The following SYBU variants were observed in gnomAD, a reference collection of about 807,000 sequenced individuals.
SYBU encodes the protein GOLSYN A protein.
Under a neutral mutation model 35.9 loss-of-function variants are expected in SYBU, and 21 were observed. That is an observed-to-expected ratio of 0.58 (90% CI 0.41 to 0.84). The LOEUF (loss-of-function observed/expected upper bound fraction) is 0.84, where lower values mean the gene tolerates loss of function less well. Ranked by LOEUF, SYBU falls within the 40% of genes least tolerant of loss-of-function variation. The pLI is 0.00. For synonymous variants in SYBU, 319 were observed against 324.3 expected (o/e 0.98, Z 0.18); for missense variants, 768 against 848.2 (o/e 0.91, Z 1.17).
upstream of SYBU, chr8:109,648,596 A>T (rs1454726293): frequency 6.6e-6 from 1 of 152,176 alleles, no homozygotes; most frequent in African/African-American, 2.4e-5. Flanking sequence ...CACAGAGAAG[A>T]CAATACAAAT....
rs1013933415 is a variant in SYBU, at chr8:109,619,136, G to A, written c.230-97C>T. The A allele has an allele frequency of 3.8e-5, 32 of 849,826 alleles. 1 individual carries two copies. The highest frequency in any genetic ancestry group is 3.1e-4 in the African/African-American group (19 of 60,466). 52.6% of individuals were successfully genotyped at this position (849,826 alleles called of 1,614,324 possible). ...ACCACACACACGCACACGTGCACTCGCACACGTACACTCTGCTTATGAAGC... is the reference window on the plus strand; with the variant it reads ...ACCACACACACGCACACGTGCACTCACACACGTACACTCTGCTTATGAAGC... On this transcript the variant is annotated intron_variant, in intron 2 of 6. Coordinates refer to ENST00000276646, the MANE Select transcript of SYBU (RefSeq NM_001099754.2).
intron 1 of SYBU, among the ~76,000 whole-genome samples, chr8:109,659,677 G>A (rs1816489575): frequency 6.6e-6 from 1 of 152,126 alleles, no homozygotes; most frequent in Non-Finnish European, 1.5e-5. Context: ...GAACAATTCG[G>A]TTGTTCCCTT....
intron 1 of SYBU, among the ~76,000 whole-genome samples, chr8:109,655,524 C>T (rs1323320440): frequency 1.3e-5 from 2 of 152,140 alleles, no homozygotes; most frequent in Non-Finnish European, 2.9e-5. Flanking sequence ...ACATACATTT[C>T]ATCCTATGTA....
intron 1 of SYBU, chr8:109,644,164 C>T (rs546559055): frequency 7.2e-5 from 33 of 460,324 alleles, no homozygotes; most frequent in South Asian, 5.0e-4. Context: ...TCCACTCTAC[C>T]CGGGGGCCGC....
chr8:109,575,828 T>C lies in SYBU; in HGVS notation c.1070A>G (p.Lys357Arg), dbSNP rs535067107. Residue 357 changes from lysine to arginine, a missense_variant, in exon 7 of 7, where the codon AAA becomes AGA. Physicochemically the swap from Lys to Arg is conservative, Grantham distance 26 (BLOSUM62 2). Transcript: ENST00000276646. ...TTGGATGTTTATGTCCACAAAATATTTCTGAATGCCTTTATCTTTATCAGC... is the reference window on the plus strand; with the variant it reads ...TTGGATGTTTATGTCCACAAAATATCTCTGAATGCCTTTATCTTTATCAGC... Reference protein sequence around the residue: ...SLADKDKGIQKYFVDINIQNK... With the variant: ...SLADKDKGIQRYFVDINIQNK... 9.3e-6 allele frequency: 15 copies of C among 1,614,068 alleles called. No homozygotes were observed. In the African/African-American group the frequency reaches 1.9e-4, roughly 20 times the overall value.
At chr8:109,633,398 T>G (rs1813851915) in intron 2 of SYBU, among the ~76,000 whole-genome samples, 1 of 152,190 alleles carries the variant, frequency 6.6e-6, no homozygotes, top group South Asian at 2.1e-4. Flanking sequence ...TCTAGTGGGA[T>G]GGGTGAATGC....
chr8:109,591,574 CAA>C lies in SYBU; in HGVS notation c.428-5414_428-5413del, dbSNP rs574427303. Among the ~76,000 whole-genome samples the C allele has an allele frequency of 6.5e-3, 872 of 134,530 alleles. 1 individual carries two copies. The highest frequency in any genetic ancestry group is 9.9e-3 in the South Asian group (43 of 4,328). 88.3% of individuals were successfully genotyped at this position (134,530 alleles called of 152,430 possible). On this transcript the variant is annotated intron_variant, in intron 3 of 6. Transcript: ENST00000276646. Reference sequence around the variant, plus strand: ...TGGCCCAGGTGGGAGTGCAGTGGCGCAATCTCGGCTCACTGCAAGCTCCGCCT... The same window carrying C: ...TGGCCCAGGTGGGAGTGCAGTGGCGCTCTCGGCTCACTGCAAGCTCCGCCT...
At chr8:109,627,066 G>T (rs1813061561) in intron 2 of SYBU, among the ~76,000 whole-genome samples, 1 of 150,354 alleles carries the variant, frequency 6.7e-6, no homozygotes, top group Non-Finnish European at 1.5e-5. Flanking sequence ...AAACATTAAT[G>T]GAGGAAAATA....
chr8:109,682,753 A>G (rs1007707485), upstream of SYBU, among the ~76,000 whole-genome samples: 1 of 152,214 alleles, frequency 6.6e-6, no homozygotes, highest in African/African-American at 2.4e-5. Context: ...AGATCTTTGC[A>G]GCAGTCCCTC....
chr8:109,604,934 A>G (rs1825918552), intron 3 of SYBU, among the ~76,000 whole-genome samples: 1 of 152,156 alleles, frequency 6.6e-6, no homozygotes, highest in African/African-American at 2.4e-5. Flanking sequence ...GCCTATCTCA[A>G]CCTCAGAGGT....
chr8:109,671,294 T>C (rs1816971180), intron 1 of SYBU, among the ~76,000 whole-genome samples: 2 of 152,248 alleles, frequency 1.3e-5, no homozygotes, highest in African/African-American at 4.8e-5. Context: ...GAAGGCTATT[T>C]GAGTGCATAT....
At chr8:109,667,282 A>C (rs1022649716) in intron 1 of SYBU, among the ~76,000 whole-genome samples, 3 of 151,764 alleles carry the variant, frequency 2.0e-5, no homozygotes, top group Non-Finnish European at 2.9e-5. Flanking sequence ...ACGCCTGGCT[A>C]ATTTTTTGTA....
chr8:109,632,107 T>C (rs1392286444), intron 2 of SYBU, among the ~76,000 whole-genome samples: 1 of 152,160 alleles, frequency 6.6e-6, no homozygotes, highest in Non-Finnish European at 1.5e-5. Flanking sequence ...TGGAGAACAG[T>C]GGCACGATCT....
chr8:109,631,249 T>C (rs541868882), intron 2 of SYBU, among the ~76,000 whole-genome samples: 8 of 152,328 alleles, frequency 5.3e-5, no homozygotes, highest in African/African-American at 1.7e-4. Flanking sequence ...AGTGAGTATG[T>C]GCTAATGAAA....
chr8:109,668,215 G>A (rs966056115), intron 1 of SYBU, among the ~76,000 whole-genome samples: 2 of 111,528 alleles, frequency 1.8e-5, no homozygotes, highest in African/African-American at 3.6e-5. Context: ...TTTTAATAGC[G>A]TAGGCATTTC....
chr8:109,681,087 G>A (rs1207968913), upstream of SYBU: 1 of 152,182 alleles, frequency 6.6e-6, no homozygotes, highest in African/African-American at 2.4e-5. Context: ...TGAACAGCTG[G>A]AAGTTTGTGG....
intron 4 of SYBU, among the ~76,000 whole-genome samples, chr8:109,585,099 G>A (rs909226030): frequency 2.0e-5 from 3 of 151,996 alleles, no homozygotes; most frequent in Non-Finnish European, 4.4e-5. Context: ...TCAATTTATT[G>A]TCCTTCTTGT....
upstream of SYBU, among the ~76,000 whole-genome samples, chr8:109,684,946 T>C: frequency 6.6e-6 from 1 of 152,172 alleles, no homozygotes. Context: ...AGATCTTCCA[T>C]AAACAGATCA....
At chr8:109,585,727 A>G (rs975092566) in intron 4 of SYBU, 3 of 214,064 alleles carry the variant, frequency 1.4e-5, no homozygotes, top group Non-Finnish European at 2.8e-5. Flanking sequence ...CACAGAGGGG[A>G]GGTAGGAGGG....
Sources: gnomAD v4.1 joint callset for allele counts (sites outside exome capture counted in the v4.1 genomes callset) on GRCh38, gnomAD v4.1.1 for gene constraint, MANE v1.5 for transcripts, NCBI Gene and HGNC (gene_info 2026-07-23, HGNC 2026-07-21) for gene names.